ZNF214: variants seen among roughly 807,000 people sequenced by gnomAD.
The protein encoded by ZNF214 is BWSCR2-associated zinc finger protein 1.
ZNF214 carries 43 observed loss-of-function variants against 53.9 expected under a neutral mutation model. The ratio of observed to expected loss-of-function variants is 0.80; its 90% CI spans 0.63 to 1.03. ZNF214 has a LOEUF of 1.03. ZNF214 is among the 50% of genes least tolerant of loss of function. ZNF214 has a pLI of 0.00. For synonymous variants in ZNF214, 217 were observed against 229.5 expected (o/e 0.95, Z 0.49); for missense variants, 724 against 719.1 (o/e 1.01, Z -0.08).
Position 6,999,322 on chromosome 11 carries a change from C to T in ZNF214, c.*540G>A, listed in dbSNP as rs1358338483. The T allele has an allele frequency of 6.5e-6, 1 of 152,794 alleles. No homozygotes were observed. The highest frequency in any genetic ancestry group is 1.5e-5 in the Non-Finnish European group (1 of 68,582). 9.5% of individuals were successfully genotyped at this position (152,794 alleles called of 1,614,324 possible). On this transcript the variant is annotated 3_prime_UTR_variant, in exon 3 of 3. Coordinates refer to ENST00000278314, the MANE Select transcript of ZNF214 (RefSeq NM_013249.4). ...GTCTCAGACACAATGTCATACAATG[C>T]TTTCCTATCTTTTATTAGGTGGCTT...
intron 1 of ZNF214, among the ~76,000 whole-genome samples, chr11:7,005,296 T>C (rs952387919): frequency 2.0e-5 from 3 of 152,008 alleles, no homozygotes; most frequent in Admixed American, 1.3e-4. Context: ...TTTCCCCCAG[T>C]GGAGCAATAA....
chr11:7,019,375 C>T (rs1302392489), intron 1 of ZNF214, among the ~76,000 whole-genome samples: 1 of 152,114 alleles, frequency 6.6e-6, no homozygotes, highest in Non-Finnish European at 1.5e-5. Flanking sequence ...AGATACAACT[C>T]ACTTATTTAT....
chr11:7,013,254 G>T (rs1564999659), intron 1 of ZNF214, among the ~76,000 whole-genome samples: 1 of 152,254 alleles, frequency 6.6e-6, no homozygotes, highest in East Asian at 1.9e-4. Context: ...TATTTGAGAG[G>T]GGTGGGACAC....
At position 6,997,806 on chromosome 11, in the gene ZNF214, A is replaced by C. The variant is rs762072601; in HGVS notation, c.*2056T>G. On this transcript the variant is annotated 3_prime_UTR_variant, in exon 3 of 3. Coordinates refer to ENST00000278314, the MANE Select transcript of ZNF214 (RefSeq NM_013249.4). Reference sequence around the variant, plus strand: ...TTTGGGACACCCTTATACTAAAACAATTATTCTTTGCTTATATGAAATTCA... The same window carrying C: ...TTTGGGACACCCTTATACTAAAACACTTATTCTTTGCTTATATGAAATTCA... Among the ~76,000 whole-genome samples the C allele has an allele frequency of 6.6e-6, 1 of 151,886 alleles. No individual in the cohort carries two copies. The highest frequency in any genetic ancestry group is 1.9e-4 in the East Asian group (1 of 5,178).
In ZNF214 at chr11:6,997,438, GTTTAT is replaced by G. The variant is rs528472082; in HGVS notation, c.*2419_*2423del. Among the ~76,000 whole-genome samples, 5 of 151,672 alleles carry G rather than the reference GTTTAT, an allele frequency of 3.3e-5. No homozygotes were observed. The highest frequency in any genetic ancestry group is 7.4e-5 in the Non-Finnish European group (5 of 67,800). ...CATTTGGCTTTAATCATCTTGATCC[GTTTAT>G]TTTAATATTTTAGGCCAACTTCTTG... is the stretch of plus-strand genomic sequence containing the variant. On this transcript the variant is annotated 3_prime_UTR_variant, in exon 3 of 3. Coordinates refer to ENST00000278314, the MANE Select transcript of ZNF214 (RefSeq NM_013249.4).
rs909245184 is a variant in ZNF214, at chr11:7,018,356, A to T, written c.-21+1717T>A. Among the ~76,000 whole-genome samples, 12 of 152,226 alleles carry T rather than the reference A, an allele frequency of 7.9e-5. No homozygotes were observed. In the East Asian group the frequency reaches 2.3e-3, roughly 29 times the overall value. The stretch of plus-strand genomic sequence containing the variant: ...GTAAATGATGGCTTTCCTATTTAGA[A>T]TATCTTCCTACTCATAATTGTTCAA... On this transcript the variant is annotated intron_variant, in intron 1 of 2. Coordinates refer to ENST00000278314, the MANE Select transcript of ZNF214 (RefSeq NM_013249.4).
intron 1 of ZNF214, among the ~76,000 whole-genome samples, chr11:7,008,201 A>G (rs1376510284): frequency 6.6e-6 from 1 of 152,104 alleles, no homozygotes; most frequent in Non-Finnish European, 1.5e-5. Flanking sequence ...GGGAGCCCCA[A>G]GTGGGCGGAT....
intron 1 of ZNF214, among the ~76,000 whole-genome samples, chr11:7,014,885 G>A (rs570601178): frequency 6.6e-6 from 1 of 151,572 alleles, no homozygotes; most frequent in East Asian, 1.9e-4. Flanking sequence ...CTGGACTCCA[G>A]GCTGGGAGAG....
chr11:7,009,384 T>C lies in ZNF214; in HGVS notation c.-20-6529A>G, dbSNP rs181786660. On this transcript the variant is annotated intron_variant, in intron 1 of 2. Transcript: ENST00000278314. ...TAACTGGCTAGCCATATGCAGAAGA[T>C]TGAAACTAGACCCCTTCCTTATACA... Among the ~76,000 whole-genome samples, 484 of 152,166 alleles carry C rather than the reference T, an allele frequency of 3.2e-3. 3 individuals carry two copies. Among genetic ancestry groups the C allele is most frequent in the South Asian group, 0.015 (70 of 4,820 alleles).
chr11:7,018,090 T>C (rs1483855996), intron 1 of ZNF214, among the ~76,000 whole-genome samples: 1 of 152,200 alleles, frequency 6.6e-6, no homozygotes, highest in African/African-American at 2.4e-5. Flanking sequence ...TATACATACA[T>C]ATCAGTATTT....
In ZNF214 at chr11:6,999,772, GTTA is replaced by G; in HGVS notation, c.*87_*89del. Reference sequence around the variant, plus strand: ...ATAAATGTTGCTTGGGATTACTTGTGTTATTTATAAGATTTCCTTAACAGCAGG... The same window carrying G: ...ATAAATGTTGCTTGGGATTACTTGTGTTTATAAGATTTCCTTAACAGCAGG... On this transcript the variant is annotated 3_prime_UTR_variant, in exon 3 of 3. Transcript: ENST00000278314. 2 of 1,364,216 alleles carry G rather than the reference GTTA, an allele frequency of 1.5e-6. No homozygotes were observed. Among genetic ancestry groups the G allele is most frequent in the African/African-American group, 2.9e-5 (2 of 68,992 alleles). The allele number at this position is 1,364,216 out of a possible 1,614,324, so 84.5% of individuals were successfully genotyped here. A position where few individuals can be genotyped will look rare whatever the true frequency, so the allele number is the denominator to read the frequency against.
At chr11:7,014,831 C>T (rs548315184) in intron 1 of ZNF214, among the ~76,000 whole-genome samples, 1 of 120,538 alleles carries the variant, frequency 8.3e-6, no homozygotes, top group Non-Finnish European at 1.8e-5. Context: ...AAAAAAAAAA[C>T]ACTACCCAGG....
chr11:7,018,563 G>T (rs1332859194), intron 1 of ZNF214, among the ~76,000 whole-genome samples: 3 of 131,338 alleles, frequency 2.3e-5, no homozygotes, highest in Non-Finnish European at 3.1e-5. Context: ...GTGCAGTGGT[G>T]CCATCCTGGC....
rs1311382392 is a variant in ZNF214, at chr11:7,000,566, G to A, written c.1117C>T (p.Leu373Phe). Residue 373 changes from leucine to phenylalanine, a missense_variant, in exon 3 of 3, where the codon CTT becomes TTT. Transcript: ENST00000278314. ...GTGTGGACTCTCTGATGAACATGAA[G>A]TACTGAACTCCGATTAAAACTCTTA... is the stretch of plus-strand genomic sequence containing the variant. ...CGKSFNRSSVLHVHQRVHTGE... is the reference protein window; with the variant it reads ...CGKSFNRSSVFHVHQRVHTGE... 1.9e-6 allele frequency: 3 copies of A among 1,611,798 alleles called. No homozygotes were observed. The South Asian group carries it at 3.3e-5, about 18-fold the overall frequency.
chr11:7,018,875 A>C (rs1474103735), intron 1 of ZNF214, among the ~76,000 whole-genome samples: 2 of 152,140 alleles, frequency 1.3e-5, no homozygotes, highest in Non-Finnish European at 2.9e-5. Flanking sequence ...GAGTGACTGA[A>C]TGAATGAATG....
intron 1 of ZNF214, among the ~76,000 whole-genome samples, chr11:7,004,806 A>G (rs1363936126): frequency 6.6e-6 from 1 of 152,116 alleles, no homozygotes; most frequent in East Asian, 1.9e-4. Flanking sequence ...CAGCTTTCAG[A>G]TGACTACAGT....
intron 1 of ZNF214, among the ~76,000 whole-genome samples, chr11:7,004,353 T>C (rs1851426406): frequency 6.6e-6 from 1 of 151,114 alleles, no homozygotes; most frequent in Non-Finnish European, 1.5e-5. Context: ...AAAGACATGA[T>C]AATTCTGCAA....
chr11:7,019,145 G>C (rs1171309663), intron 1 of ZNF214, among the ~76,000 whole-genome samples: 1 of 152,142 alleles, frequency 6.6e-6, no homozygotes, highest in Non-Finnish European at 1.5e-5. Context: ...GTGCTGAGAC[G>C]GCTGAGCTGA....
intron 1 of ZNF214, among the ~76,000 whole-genome samples, chr11:7,008,586 G>C (rs555502039): frequency 6.6e-6 from 1 of 152,190 alleles, no homozygotes; most frequent in Non-Finnish European, 1.5e-5. Flanking sequence ...GTCCTAGCCA[G>C]AGCAATCAGG....
Sources: allele counts gnomAD v4.1 joint callset (sites outside exome capture counted in the v4.1 genomes callset), GRCh38; gene constraint gnomAD v4.1.1; transcripts MANE v1.5; gene names NCBI Gene and HGNC (gene_info 2026-07-23, HGNC 2026-07-21).